The following TTLL11 variants were observed in gnomAD, a reference collection of about 807,000 sequenced individuals.
The protein encoded by TTLL11 is tubulin polyglutamylase TTLL11.
TTLL11 carries 42 observed loss-of-function variants against 51.7 expected under a neutral mutation model. The observed-to-expected ratio is 0.81, with a 90% CI of 0.64 to 1.05. TTLL11 has a LOEUF of 1.05. TTLL11 is among the 50% of genes least tolerant of loss of function. The pLI is 0.00. For synonymous variants in TTLL11, 381 were observed against 383.5 expected (o/e 0.99, Z 0.08); for missense variants, 799 against 940.4 (o/e 0.85, Z 1.97).
intron 6 of TTLL11, among the ~76,000 whole-genome samples, chr9:121,903,408 C>T (rs1438793597): frequency 6.6e-6 from 1 of 152,134 alleles, no homozygotes; most frequent in African/African-American, 2.4e-5. Context: ...TGAAAAGTAC[C>T]TATCATATGT....
chr9:122,013,695 C>T (rs1376151618), intron 3 of TTLL11, among the ~76,000 whole-genome samples: 3 of 152,128 alleles, frequency 2.0e-5, no homozygotes, highest in Non-Finnish European at 2.9e-5. Context: ...AAAGGAATTG[C>T]GATTGCCTGG....
At chr9:122,007,372 G>A (rs1843685628) in intron 3 of TTLL11, among the ~76,000 whole-genome samples, 2 of 151,840 alleles carry the variant, frequency 1.3e-5, no homozygotes, top group Admixed American at 1.3e-4. Flanking sequence ...GCCTGTAGGA[G>A]GCTGAGGCAG....
intron 6 of TTLL11, among the ~76,000 whole-genome samples, chr9:121,955,055 G>A (rs1841979170): frequency 1.3e-5 from 2 of 152,122 alleles, no homozygotes; most frequent in South Asian, 4.1e-4. Context: ...TGTGGTCAGA[G>A]CCGCCTTTCC....
Position 121,972,497 on chromosome 9 carries a change from G to A in TTLL11, c.1481+1512C>T, listed in dbSNP as rs148695512. ...GAAGAAGCCACACCTGGTGGGATTG[G>A]CCCATGCAAACTACAGGTAAACATT... is the stretch of plus-strand genomic sequence containing the variant. On this transcript the variant is annotated intron_variant, in intron 6 of 8. Coordinates refer to ENST00000321582, the MANE Select transcript of TTLL11 (RefSeq NM_001139442.2). Among the ~76,000 whole-genome samples, 3 of 152,342 alleles carry A rather than the reference G, an allele frequency of 2.0e-5. No homozygotes were observed. The East Asian group carries it at 5.8e-4, about 29-fold the overall frequency.
intron 1 of TTLL11, among the ~76,000 whole-genome samples, chr9:122,057,796 C>G (rs1746949612): frequency 6.6e-6 from 1 of 152,164 alleles, no homozygotes; most frequent in Admixed American, 6.5e-5. Context: ...TTAAAAAGCA[C>G]ATTTATTCTC....
intron 1 of TTLL11, among the ~76,000 whole-genome samples, chr9:122,085,403 T>C (rs1162572751): frequency 2.0e-5 from 3 of 152,182 alleles, no homozygotes; most frequent in Non-Finnish European, 2.9e-5. Context: ...TTTTTTAACA[T>C]CTTAAACCTA....
chr9:122,075,965 T>G (rs1385359400), intron 1 of TTLL11, among the ~76,000 whole-genome samples: 1 of 152,184 alleles, frequency 6.6e-6, no homozygotes, highest in African/African-American at 2.4e-5. Flanking sequence ...CTAGAACCAT[T>G]ATTGATTCCA....
At chr9:122,031,985 T>A in intron 2 of TTLL11, 129 bp from the exon 3 acceptor site, 1 of 1,288,228 alleles carries the variant, frequency 7.8e-7, no homozygotes, top group Non-Finnish European at 1.0e-6. Flanking sequence ...TTAAAAAAGG[T>A]CTGAGTTGTT....
intron 8 of TTLL11, among the ~76,000 whole-genome samples, chr9:121,829,319 C>T (rs778672713): frequency 1.7e-4 from 26 of 152,106 alleles, no homozygotes; most frequent in Non-Finnish European, 3.2e-4. Flanking sequence ...GGACAAAGCA[C>T]ATGAATGGGC....
At chr9:121,971,017 G>A (rs1166165119) in intron 6 of TTLL11, among the ~76,000 whole-genome samples, 1 of 146,746 alleles carries the variant, frequency 6.8e-6, no homozygotes, top group African/African-American at 2.5e-5. Context: ...CGGGAGGGAG[G>A]TGGGGGGGTC....
intron 4 of TTLL11, among the ~76,000 whole-genome samples, chr9:121,988,357 A>AC (rs11447565): frequency 0.011 from 1,647 of 149,456 alleles, 28 homozygotes; most frequent in African/African-American, 0.038. Context: ...TCCAGGGACC[A>AC]CCCCCCCGAA....
intron 8 of TTLL11, among the ~76,000 whole-genome samples, chr9:121,849,948 C>A (rs1837620212): frequency 6.6e-6 from 1 of 152,200 alleles, no homozygotes; most frequent in African/African-American, 2.4e-5. Flanking sequence ...AACCTATGCA[C>A]ATCCTGCTGT....
chr9:121,879,913 G>A (rs191688526), intron 6 of TTLL11, among the ~76,000 whole-genome samples: 7 of 152,166 alleles, frequency 4.6e-5, no homozygotes, highest in East Asian at 3.9e-4. Context: ...GCAGTGAGCC[G>A]TGAGCTGTGC....
chr9:121,903,223 A>G (rs1002162054), intron 6 of TTLL11, among the ~76,000 whole-genome samples: 3 of 152,190 alleles, frequency 2.0e-5, no homozygotes, highest in African/African-American at 7.2e-5. Context: ...ACTAAAGATT[A>G]AAGAGAGGAG....
chr9:121,989,438 T>C lies in TTLL11; in HGVS notation c.1026A>G (p.Leu342=). 1 of 1,614,148 alleles carries C rather than the reference T, an allele frequency of 6.2e-7. No homozygotes were observed. ...PKNLHRIFMH[L]TNYSLNIHSG... Reference sequence around the variant, plus strand: ...TGTGGATGTTCAGTGAATAGTTGGTTAAGTGCATAAAGATGCGGTGCAGGT... The same window carrying C: ...TGTGGATGTTCAGTGAATAGTTGGTCAAGTGCATAAAGATGCGGTGCAGGT... Residue 342 remains leucine (L), a synonymous_variant, in exon 4 of 9, where the codon TTA becomes TTG. Coordinates refer to ENST00000321582, the MANE Select transcript of TTLL11 (RefSeq NM_001139442.2). The surrounding 1 kb of genome is among the most constrained non-coding windows in gnomAD (Gnocchi z 4.2).
intron 2 of TTLL11, among the ~76,000 whole-genome samples, chr9:122,038,310 C>G (rs1243517384): frequency 1.3e-5 from 2 of 152,110 alleles, no homozygotes; most frequent in Non-Finnish European, 2.9e-5. Flanking sequence ...TCTCCCTAAG[C>G]TGTCCTACCA....
intron 1 of TTLL11, among the ~76,000 whole-genome samples, chr9:122,074,792 G>A (rs1219207940): frequency 1.3e-5 from 2 of 151,346 alleles, no homozygotes; most frequent in Non-Finnish European, 2.9e-5. Context: ...CCAGCTACTC[G>A]GAAGGCTGAG....
chr9:121,844,442 C>T (rs1391745106), intron 8 of TTLL11, among the ~76,000 whole-genome samples: 2 of 152,190 alleles, frequency 1.3e-5, no homozygotes, highest in Non-Finnish European at 2.9e-5. Flanking sequence ...TTCCTATTAT[C>T]AGGTACTTCA....
At chr9:122,022,258 C>T (rs951769364) in intron 3 of TTLL11, among the ~76,000 whole-genome samples, 1 of 151,810 alleles carries the variant, frequency 6.6e-6, no homozygotes, top group Non-Finnish European at 1.5e-5. Context: ...AAATTATAAA[C>T]CCACAGGTCC....
Sources: gnomAD v4.1 joint callset for allele counts (sites outside exome capture counted in the v4.1 genomes callset) on GRCh38, gnomAD v4.1.1 for gene constraint, Gnocchi (gnomAD v3.1) non-coding constraint, MANE v1.5 for transcripts, NCBI Gene and HGNC (gene_info 2026-07-23, HGNC 2026-07-21) for gene names.